Variants in DACT1 observed in about 807,000 individuals in gnomAD.
DACT1 encodes dishevelled binding antagonist of beta catenin 1, also known as dapper homolog 1.
In DACT1, 19 loss-of-function variants were observed where a neutral mutation model predicts 35.3. The observed-to-expected ratio is 0.54, with a 90% CI of 0.38 to 0.79. The LOEUF (loss-of-function observed/expected upper bound fraction) is 0.79, where lower values mean the gene tolerates loss of function less well. Among genes scored for constraint, DACT1 ranks in the 30% least tolerant of loss-of-function variants. The pLI is 0.00. For synonymous variants in DACT1, 545 were observed against 466.7 expected, an observed-to-expected ratio of 1.17 and a Z score of -2.16; for missense variants, 1,143 against 1,057.5, an observed-to-expected ratio of 1.08 and a Z score of -1.12.
chr14:58,642,658 C>T (rs1383658495), intron 3 of DACT1, among the ~76,000 whole-genome samples: 1 of 151,610 alleles, frequency 6.6e-6, no homozygotes, highest in African/African-American at 2.4e-5. Context: ...TGTGCCACTG[C>T]ACTCCAGCCT....
In DACT1 at chr14:58,640,736, A is replaced by C. The variant is rs754797424; in HGVS notation, c.346A>C (p.Asn116His). 12 of 1,614,068 alleles carry C rather than the reference A, an allele frequency of 7.4e-6. No homozygotes were observed. Among genetic ancestry groups the C allele is most frequent in the Non-Finnish European group, 3.4e-6 (4 of 1,179,984 alleles). The change falls in exon 2 of 4, where the codon AAC becomes CAC. Residue 116 changes from asparagine to histidine, a missense_variant and splice_region_variant. Physicochemically the swap from Asn to His is moderately conservative, Grantham distance 68. Coordinates refer to ENST00000395153, the MANE Select transcript of DACT1 (RefSeq NM_001079520.2). The stretch of plus-strand genomic sequence containing the variant: ...GTTTCCTTTGTTTCTTCCTAATCAG[A>C]ACTGTTTGAGGCGAAGAGATGCTGG... The part of the protein sequence containing the change: ...ENILLLRKQL[N>H]CLRRRDAGLL...
At chr14:58,635,538 C>T (rs1015842439), upstream of DACT1, among the ~76,000 whole-genome samples, 2 of 152,024 alleles carry the variant, frequency 1.3e-5, no homozygotes, top group Non-Finnish European at 2.9e-5. Flanking sequence ...TTTTCCTATT[C>T]GTGACCATTT....
chr14:58,635,694 T>A (rs1595593458), upstream of DACT1, among the ~76,000 whole-genome samples: 3 of 129,888 alleles, frequency 2.3e-5, no homozygotes, highest in South Asian at 8.5e-4. Flanking sequence ...AGGAGGGGGG[T>A]TGGGAGGGTG....
Position 58,646,062 on chromosome 14 carries a change from A to C in DACT1, c.1328A>C (p.Gln443Pro). The change falls in exon 4 of 4, where the codon CAG (glutamine) becomes CCG (proline). Residue 443 changes from glutamine to proline, a missense_variant. Physicochemically the swap from Gln to Pro is moderately conservative, Grantham distance 76. This residue lies in a region of DACT1 where 1,054 missense variants were observed against 958.8 expected (regional missense o/e 1.10). Transcript: ENST00000395153. ...GGGGAGTCCCCTAAGGAAAGCGCTC[A>C]GCTCTCAGGGGCCTCTCCAAAAGAG... ...GTGESPKESA[Q>P]LSGASPKESP... 6.2e-7 allele frequency: 1 copy of C among 1,613,930 alleles called. No homozygotes were observed. The highest frequency in any genetic ancestry group is 8.5e-7 in the Non-Finnish European group (1 of 1,179,952).
rs1595596847 is a variant in DACT1, at chr14:58,640,781, G to A, written c.391G>A (p.Glu131Lys). The stretch of plus-strand genomic sequence containing the variant: ...TGCTGGTTTGTTGAATCAGTTGCAA[G>A]AGCTTGACAAGCAGATAAGTGACCT... ...RDAGLLNQLQ[E>K]LDKQISDLRL... The change falls in exon 2 of 4, where the codon GAG (glutamate) becomes AAG (lysine). Residue 131 changes from glutamate (E) to lysine (K), a missense_variant. Around this residue, in one of 3 missense-constraint regions of DACT1, gnomAD observed 1,054 missense variants for 958.8 expected, o/e 1.10. Coordinates refer to ENST00000395153, the MANE Select transcript of DACT1 (RefSeq NM_001079520.2). The A allele has an allele frequency of 6.2e-7, 1 of 1,614,106 alleles. No individual in the cohort carries two copies. The highest frequency in any genetic ancestry group is 8.5e-7 in the Non-Finnish European group (1 of 1,180,016).
chr14:58,635,789 CCCT>C (rs2047569377), upstream of DACT1, among the ~76,000 whole-genome samples: 2 of 151,976 alleles, frequency 1.3e-5, no homozygotes. Context: ...CTTTTTTTCC[CCCT>C]CAACTATACA....
chr14:58,640,991 A>G (rs2047621635), intron 2 of DACT1, 123 bp downstream of exon 2: 1 of 1,068,016 alleles, frequency 9.4e-7, no homozygotes, highest in African/African-American at 1.6e-5. Context: ...GAGGATAAAC[A>G]AAAAAGAAGT....
At chr14:58,637,903 G>A (rs1018774654), upstream of DACT1, among the ~76,000 whole-genome samples, 1 of 151,572 alleles carries the variant, frequency 6.6e-6, no homozygotes, top group Non-Finnish European at 1.5e-5. Context: ...GGCGCGGGGA[G>A]GCGGGCGCCA....
At chr14:58,637,762 G>C (rs995594753), upstream of DACT1, among the ~76,000 whole-genome samples, 1 of 152,070 alleles carries the variant, frequency 6.6e-6, no homozygotes, top group Non-Finnish European at 1.5e-5. Context: ...CGAAGAGAGC[G>C]GGGGAGGAGG....
At position 58,645,712 on chromosome 14, in the gene DACT1, C is replaced by T. The variant is rs776288208; in HGVS notation, c.978C>T (p.Asn326=). The part of the protein sequence containing the change: ...VRTNKPRTSV[N]ADPTKGLLRN... ...CCAACAAACCAAGAACCAGCGTGAA[C>T]GCTGACCCCACGAAAGGGCTTCTGA... Residue 326 remains asparagine, a synonymous_variant, in exon 4 of 4, where the codon AAC becomes AAT. Coordinates refer to ENST00000395153, the MANE Select transcript of DACT1 (RefSeq NM_001079520.2). 5 of 1,614,092 alleles carry T rather than the reference C, an allele frequency of 3.1e-6. No homozygotes were observed. Among genetic ancestry groups the T allele is most frequent in the Non-Finnish European group, 4.2e-6 (5 of 1,180,048 alleles).
At chr14:58,642,379 C>G (rs1054154275) in intron 3 of DACT1, among the ~76,000 whole-genome samples, 1 of 151,840 alleles carries the variant, frequency 6.6e-6, no homozygotes, top group Middle Eastern at 3.2e-3. Context: ...CCCAGCTACT[C>G]GGGAGGCTGA....
intron 1 of DACT1, chr14:58,638,874 A>T: frequency 9.4e-7 from 1 of 1,064,568 alleles, no homozygotes; most frequent in East Asian, 6.3e-5. Context: ...CCTTAGTTAG[A>T]TGAGTATATG....
At position 58,647,773 on chromosome 14, in the gene DACT1, G is replaced by A. The variant is rs1208982541; in HGVS notation, c.*639G>A. The A allele has an allele frequency of 6.0e-6, 1 of 167,196 alleles. No homozygotes were observed. Among genetic ancestry groups the A allele is most frequent in the African/African-American group, 2.4e-5 (1 of 41,410 alleles). 10.4% of individuals were successfully genotyped at this position (167,196 alleles called of 1,614,324 possible). A position where few individuals can be genotyped will look rare whatever the true frequency, so the allele number is the denominator to read the frequency against. On this transcript the variant is annotated 3_prime_UTR_variant, in exon 4 of 4. Coordinates refer to ENST00000395153, the MANE Select transcript of DACT1 (RefSeq NM_001079520.2). ...ATTCACAAAAACTTTTGCCACACTT[G>A]GTGCCTAGGCCCTGTTCCTAATAAC...
upstream of DACT1, among the ~76,000 whole-genome samples, chr14:58,635,692 G>C (rs936069798): frequency 6.6e-6 from 1 of 151,042 alleles, no homozygotes; most frequent in Non-Finnish European, 1.5e-5. Flanking sequence ...TGAGGAGGGG[G>C]GTTGGGAGGG....
chr14:58,640,314 A>G (rs1029505605), intron 1 of DACT1, among the ~76,000 whole-genome samples: 2 of 152,244 alleles, frequency 1.3e-5, no homozygotes, highest in Non-Finnish European at 1.5e-5. Context: ...TTTGGCCAGA[A>G]AATCTCACCT....
intron 1 of DACT1, among the ~76,000 whole-genome samples, chr14:58,639,827 C>A (rs2047610396): frequency 1.3e-5 from 2 of 152,198 alleles, no homozygotes; most frequent in African/African-American, 4.8e-5. Context: ...ATGTAACATT[C>A]ATTTGAGCCA....
Position 58,638,400 on chromosome 14 carries a change from G to A in DACT1, c.198G>A (p.Glu66=), listed in dbSNP as rs746862608. 14 of 1,307,542 alleles carry A rather than the reference G, an allele frequency of 1.1e-5. No individual in the cohort carries two copies. The South Asian group carries it at 3.0e-4, about 28-fold the overall frequency. The allele number at this position is 1,307,542 out of a possible 1,614,324, so 81.0% of individuals were successfully genotyped here. A position where few individuals can be genotyped will look rare whatever the true frequency, so the allele number is the denominator to read the frequency against. The part of the protein sequence containing the change: ...AELEYLRQRQ[E]LLVRGALRGA... ...TGGAGTACCTGCGCCAGCGCCAAGA[G>A]CTGCTGGTCAGGGGCGCCCTGCGCG... Residue 66 remains glutamate (E), a synonymous_variant, in exon 1 of 4, where the codon GAG becomes GAA. Coordinates refer to ENST00000395153, the MANE Select transcript of DACT1 (RefSeq NM_001079520.2).
At position 58,646,552 on chromosome 14, in the gene DACT1, C is replaced by T. The variant is rs893480714; in HGVS notation, c.1818C>T (p.Pro606=). The T allele has an allele frequency of 2.6e-6, 4 of 1,555,836 alleles. No individual in the cohort carries two copies. Among genetic ancestry groups the T allele is most frequent in the African/African-American group, 1.4e-5 (1 of 72,908 alleles). ...KSGGGPEAGV[P]GRPAGGGHRA... Reference sequence around the variant, plus strand: ...GGGGCGGGCCCGAGGCTGGTGTTCCCGGCAGGCCCGCGGGCGGGGGCCACA... The same window carrying T: ...GGGGCGGGCCCGAGGCTGGTGTTCCTGGCAGGCCCGCGGGCGGGGGCCACA... The change falls in exon 4 of 4, where the codon CCC becomes CCT. Residue 606 remains proline, a synonymous_variant. Transcript: ENST00000395153.
At chr14:58,636,689 C>T (rs1171865082), upstream of DACT1, among the ~76,000 whole-genome samples, 1 of 152,122 alleles carries the variant, frequency 6.6e-6, no homozygotes, top group East Asian at 1.9e-4. Context: ...ATAGGATGCA[C>T]TCTTTCACAC....
Sources: allele counts gnomAD v4.1 joint callset (sites outside exome capture counted in the v4.1 genomes callset), GRCh38; gene constraint gnomAD v4.1.1; regional missense constraint gnomAD v4.1.1; transcripts MANE v1.5; gene names NCBI Gene and HGNC (gene_info 2026-07-23, HGNC 2026-07-21).